The following MYCBPAP variants were observed in gnomAD, a reference collection of about 807,000 sequenced individuals.
MYCBPAP encodes MYCBP-associated protein.
MYCBPAP carries 60 observed loss-of-function variants against 106.1 expected under a neutral mutation model. The ratio of observed to expected loss-of-function variants is 0.57; its 90% CI spans 0.46 to 0.70. The LOEUF is 0.70. MYCBPAP is among the 30% of genes least tolerant of loss of function. The pLI, the probability that MYCBPAP is intolerant of heterozygous loss-of-function variation, is 0.00. For missense variants in MYCBPAP, 1,064 were observed against 1,169.3 expected, an observed-to-expected ratio of 0.91 and a Z score of 1.31; for synonymous variants, 407 against 440.6, an observed-to-expected ratio of 0.92 and a Z score of 0.95.
At chr17:50,530,789 G>T (rs1273483204) in intron 18 of MYCBPAP, among the ~76,000 whole-genome samples, 1 of 152,088 alleles carries the variant, frequency 6.6e-6, no homozygotes, top group Non-Finnish European at 1.5e-5. Context: ...ACCCCAAACG[G>T]CTAAATGGGC....
intron 15 of MYCBPAP, among the ~76,000 whole-genome samples, chr17:50,527,805 A>C (rs1313841526): frequency 6.6e-6 from 1 of 152,164 alleles, no homozygotes; most frequent in Non-Finnish European, 1.5e-5. Context: ...CCCTCAGGAC[A>C]AGCCCCAGGA....
At chr17:50,512,972 T>A (rs2033910095) in intron 1 of MYCBPAP, among the ~76,000 whole-genome samples, 1 of 151,946 alleles carries the variant, frequency 6.6e-6, no homozygotes, top group Non-Finnish European at 1.5e-5. Flanking sequence ...ATCCCAGGAC[T>A]TTGGGAGGCT....
intron 15 of MYCBPAP, 151 bp from the exon 16 acceptor site, chr17:50,528,004 G>A (rs1350025377): frequency 1.8e-5 from 12 of 680,792 alleles, no homozygotes; most frequent in South Asian, 9.3e-5. Flanking sequence ...TTGCCCTGGC[G>A]GGGAACAGTG....
intron 1 of MYCBPAP, among the ~76,000 whole-genome samples, chr17:50,510,652 A>C (rs1396095854): frequency 1.3e-5 from 2 of 148,314 alleles, no homozygotes; most frequent in Non-Finnish European, 3.0e-5. Context: ...CAGCCTCCCA[A>C]GTTGCTAGTA....
intron 1 of MYCBPAP, 182 bp downstream of exon 1, chr17:50,508,932 A>G (rs1277470245): frequency 2.8e-6 from 2 of 719,318 alleles, no homozygotes; most frequent in East Asian, 5.4e-5. Flanking sequence ...AAGAGCCTAC[A>G]GCGCACTGGG....
intron 16 of MYCBPAP, 41 bp from the exon 17 acceptor site, chr17:50,528,654 G>A (rs774051359): frequency 3.1e-6 from 5 of 1,601,470 alleles, no homozygotes; most frequent in Non-Finnish European, 4.3e-6. Flanking sequence ...CCACTAGGCT[G>A]TTGGGGGCCT....
At chr17:50,530,994 T>C (rs1233950370) in intron 18 of MYCBPAP, among the ~76,000 whole-genome samples, 1 of 151,560 alleles carries the variant, frequency 6.6e-6, no homozygotes, top group African/African-American at 2.4e-5. Flanking sequence ...CTACAAAAAA[T>C]AGAAAAAAGT....
intron 18 of MYCBPAP, chr17:50,529,849 A>G: frequency 2.2e-6 from 1 of 456,322 alleles, no homozygotes; most frequent in Non-Finnish European, 4.4e-6. Context: ...GACTAGAGAG[A>G]CTTCATCCTA....
At chr17:50,531,271 A>G in intron 18 of MYCBPAP, 56 bp from the exon 19 acceptor site, 1 of 1,189,304 alleles carries the variant, frequency 8.4e-7, no homozygotes. Context: ...CATAGTTCAT[A>G]TATAGGTGCT....
intron 1 of MYCBPAP, chr17:50,514,962 A>G (rs751860172): frequency 2.7e-5 from 12 of 436,618 alleles, no homozygotes; most frequent in East Asian, 7.5e-5. Context: ...AAGCCTTCAC[A>G]TGGCTCACTG....
At position 50,519,693 on chromosome 17, in the gene MYCBPAP, G is replaced by A. The variant is rs760506583; in HGVS notation, c.822G>A (p.Met274Ile). Reference protein sequence around the residue: ...WSRLEYLGDEMTGLVMTKTKT... With the variant: ...WSRLEYLGDEITGLVMTKTKT... ...GACTGGAATACTTGGGAGATGAGATGACAGGTCTGGTCATGACCAAGACAA... is the reference window on the plus strand; with the variant it reads ...GACTGGAATACTTGGGAGATGAGATAACAGGTCTGGTCATGACCAAGACAA... Residue 274 changes from methionine (M) to isoleucine (I), a missense_variant, in exon 7 of 19, where the codon ATG becomes ATA. Transcript: ENST00000323776. 6 of 1,613,986 alleles carry A rather than the reference G, an allele frequency of 3.7e-6. No individual in the cohort carries two copies. The highest frequency in any genetic ancestry group is 4.5e-5 in the East Asian group (2 of 44,896).
At chr17:50,525,758 TG>T in intron 13 of MYCBPAP, 122 bp from the exon 14 acceptor site, 1 of 1,212,730 alleles carries the variant, frequency 8.2e-7, no homozygotes, top group South Asian at 1.5e-5. Context: ...CCCAAAGCAC[TG>T]GGATTGCAGG....
Position 50,524,959 on chromosome 17 carries a change from G to T in MYCBPAP, c.1718G>T (p.Arg573Leu). 6.2e-7 allele frequency: 1 copy of T among 1,613,984 alleles called. No individual in the cohort carries two copies. Among genetic ancestry groups the T allele is most frequent in the Non-Finnish European group, 8.5e-7 (1 of 1,180,028 alleles). ...ELLMGVLTPE[R>L]TPSPVDAYLT... ...CTGATGGGGGTCTTGACCCCGGAGC[G>T]CACACCATCACCTGTGGATGCCTAT... is the stretch of plus-strand genomic sequence containing the variant. The change falls in exon 13 of 19, where the codon CGC becomes CTC. Residue 573 changes from arginine to leucine, a missense_variant. Arg to Leu is a moderately radical substitution (Grantham distance 102, BLOSUM62 -2). Transcript: ENST00000323776.
chr17:50,526,184 GA>G lies in MYCBPAP; in HGVS notation c.2087del (p.Asp696ValfsTer30). On this transcript the variant is annotated frameshift_variant, in exon 14 of 19. Transcript: ENST00000323776. LOFTEE classifies it high-confidence loss of function. ...GGAGATCCTGGTGGAGGAAAGCCCAGATGTGGACAGCACCAAGAGCCCCTGG... is the reference window on the plus strand; with the variant it reads ...GGAGATCCTGGTGGAGGAAAGCCCAGTGTGGACAGCACCAAGAGCCCCTGG... ...MEEILVEESP[D>X]VDSTKSPWEP... The G allele has an allele frequency of 6.2e-7, 1 of 1,613,642 alleles. No individual in the cohort carries two copies. Among genetic ancestry groups the G allele is most frequent in the Non-Finnish European group, 8.5e-7 (1 of 1,180,022 alleles).
chr17:50,511,238 A>G (rs2033836861), intron 1 of MYCBPAP, among the ~76,000 whole-genome samples: 1 of 152,064 alleles, frequency 6.6e-6, no homozygotes, highest in Non-Finnish European at 1.5e-5. Flanking sequence ...GCAAAAAGGA[A>G]AGCAAAAATA....
chr17:50,528,414 C>T, intron 16 of MYCBPAP, 144 bp downstream of exon 16: 1 of 816,222 alleles, frequency 1.2e-6, no homozygotes. Context: ...TTACCCCTTT[C>T]TGTCCGCTGC....
At chr17:50,529,922 T>C (rs144696972) in intron 18 of MYCBPAP, 6,533 of 440,540 alleles carry the variant, frequency 0.015, 87 homozygotes, top group Middle Eastern at 0.023. Context: ...TTTGTTAGTG[T>C]TGTTGTTTGT....
Position 50,508,519 on chromosome 17 carries a change from G to A in MYCBPAP, c.-156G>A. On this transcript the variant is annotated 5_prime_UTR_variant, in exon 1 of 19. Transcript: ENST00000323776. Reference sequence around the variant, plus strand: ...GCCCGATGAAGAAGGAGGTTTCCAAGCCGTCTCCGCCCAAGTTGATCGGTG... The same window carrying A: ...GCCCGATGAAGAAGGAGGTTTCCAAACCGTCTCCGCCCAAGTTGATCGGTG... 6.5e-7 allele frequency: 1 copy of A among 1,533,800 alleles called. No homozygotes were observed. The highest frequency in any genetic ancestry group is 1.2e-5 in the South Asian group (1 of 82,416).
In MYCBPAP at chr17:50,522,981, G is replaced by C; in HGVS notation, c.1300G>C (p.Glu434Gln). ...TGCTCACTTGACCTTTGAAACCCTAGAAGGCGAGAAAACCTCCTCAGAACT... is the reference window on the plus strand; with the variant it reads ...TGCTCACTTGACCTTTGAAACCCTACAAGGCGAGAAAACCTCCTCAGAACT... ...IAAHLTFETL[E>Q]GEKTSSELTV... is the part of the protein sequence containing the mutation. The change falls in exon 11 of 19, where the codon GAA (glutamate) becomes CAA (glutamine). Residue 434 changes from glutamate to glutamine, a missense_variant. Coordinates refer to ENST00000323776, the MANE Select transcript of MYCBPAP (RefSeq NM_032133.6). 1 of 1,613,738 alleles carries C rather than the reference G, an allele frequency of 6.2e-7. No individual in the cohort carries two copies. The highest frequency in any genetic ancestry group is 8.5e-7 in the Non-Finnish European group (1 of 1,179,754).
Sources: gnomAD v4.1 joint callset for allele counts (sites outside exome capture counted in the v4.1 genomes callset) on GRCh38, gnomAD v4.1.1 for gene constraint, MANE v1.5 for transcripts, NCBI Gene and HGNC (gene_info 2026-07-23, HGNC 2026-07-21) for gene names.